The following TAFA2 variants were observed in gnomAD, a reference collection of about 807,000 sequenced individuals.
TAFA2 encodes the protein chemokine-like protein TAFA-2.
TAFA2 carries 7 observed loss-of-function variants against 18.8 expected under a neutral mutation model. The ratio of observed to expected loss-of-function variants is 0.37; its 90% confidence interval spans 0.21 to 0.70. The LOEUF is 0.70. Ranked by LOEUF, TAFA2 falls within the 30% of genes least tolerant of loss-of-function variation. The pLI, the probability that TAFA2 is intolerant of heterozygous loss-of-function variation, is 0.53. For missense variants in TAFA2, 122 were observed against 158.1 expected (o/e 0.77, Z 1.23); for synonymous variants, 60 against 54.2 (o/e 1.11, Z -0.47).
At chr12:62,198,308 T>G (rs1361423506) in intron 1 of TAFA2, 1 of 152,286 alleles carries the variant, frequency 6.6e-6, no homozygotes, top group East Asian at 1.9e-4. Flanking sequence ...TTCTTGTTTT[T>G]GTTTTCCCAG....
intron 2 of TAFA2, among the ~76,000 whole-genome samples, chr12:61,843,624 T>C (rs1873281863): frequency 6.6e-6 from 1 of 152,128 alleles, no homozygotes; most frequent in Non-Finnish European, 1.5e-5. Flanking sequence ...AAATGTCCAT[T>C]ACATAGAAGA....
At chr12:61,808,459 G>A (rs1871719634) in intron 2 of TAFA2, among the ~76,000 whole-genome samples, 1 of 151,430 alleles carries the variant, frequency 6.6e-6, no homozygotes, top group African/African-American at 2.5e-5. Flanking sequence ...GTACATGTGT[G>A]TATGTGGTAC....
chr12:62,147,388 A>G (rs755996043), intron 1 of TAFA2, among the ~76,000 whole-genome samples: 1 of 143,294 alleles, frequency 7.0e-6, no homozygotes, highest in African/African-American at 2.6e-5. Context: ...CAACAAAAAC[A>G]AAAATTGACA....
At position 62,078,416 on chromosome 12, in the gene TAFA2, G is replaced by GAAAA. The variant is rs71450573; in HGVS notation, c.-2+112839_-2+112842dup. Among the ~76,000 whole-genome samples, 627 of 143,452 alleles carry GAAAA rather than the reference G, an allele frequency of 4.4e-3. 3 individuals are homozygous for GAAAA. Among genetic ancestry groups the GAAAA allele is most frequent in the African/African-American group, 0.011 (428 of 38,642 alleles). 94.1% of individuals were successfully genotyped at this position (143,452 alleles called of 152,430 possible). A position where few individuals can be genotyped will look rare whatever the true frequency, so the allele number is the denominator to read the frequency against. On this transcript the variant is annotated intron_variant, in intron 1 of 4. Coordinates refer to ENST00000416284, the MANE Select transcript of TAFA2 (RefSeq NM_178539.5). Reference sequence around the variant, plus strand: ...TACCCTAAAACTTAAAGTATAATTGGAAAAAAAAAAAAAAGAACTGGATCA... The same window carrying GAAAA: ...TACCCTAAAACTTAAAGTATAATTGGAAAAAAAAAAAAAAAAAAGAACTGGATCA...
chr12:62,179,459 A>AT (rs1351312272), intron 1 of TAFA2, among the ~76,000 whole-genome samples: 2 of 152,274 alleles, frequency 1.3e-5, no homozygotes, highest in East Asian at 3.9e-4. Context: ...ATGATCAGTA[A>AT]TTTTTTTCCA....
At chr12:61,775,168 G>C (rs145568687) in intron 2 of TAFA2, among the ~76,000 whole-genome samples, 19 of 151,918 alleles carry the variant, frequency 1.3e-4, no homozygotes, top group African/African-American at 4.6e-4. Flanking sequence ...ATTCTGGCAA[G>C]GATGTGGAGC....
At chr12:62,176,461 AG>A (rs1196217678) in intron 1 of TAFA2, among the ~76,000 whole-genome samples, 1 of 93,690 alleles carries the variant, frequency 1.1e-5, no homozygotes, top group African/African-American at 4.1e-5. Context: ...AGAGGTTTTC[AG>A]AAGGTAAATG....
chr12:61,988,503 C>G (rs1879890977), intron 1 of TAFA2, among the ~76,000 whole-genome samples: 1 of 152,090 alleles, frequency 6.6e-6, no homozygotes, highest in South Asian at 2.1e-4. Flanking sequence ...AATGATACTT[C>G]CTTTGGAAGA....
At chr12:62,076,363 A>T (rs990048338) in intron 1 of TAFA2, among the ~76,000 whole-genome samples, 11 of 152,254 alleles carry the variant, frequency 7.2e-5, no homozygotes, top group Admixed American at 7.2e-4. Context: ...CATTAGAAAC[A>T]GAAGTTAATT....
intron 1 of TAFA2, among the ~76,000 whole-genome samples, chr12:61,924,884 T>C (rs893571730): frequency 1.3e-5 from 2 of 152,084 alleles, no homozygotes; most frequent in African/African-American, 4.8e-5. Context: ...AATAATGGGA[T>C]GGAGGAGTAT....
intron 1 of TAFA2, among the ~76,000 whole-genome samples, chr12:62,085,398 A>G (rs138685755): frequency 1.3e-5 from 2 of 152,280 alleles, no homozygotes; most frequent in African/African-American, 4.8e-5. Flanking sequence ...TAACTTGTAG[A>G]CCACGTGTTT....
intron 1 of TAFA2, among the ~76,000 whole-genome samples, chr12:62,012,923 G>A (rs970879017): frequency 6.6e-6 from 1 of 152,130 alleles, no homozygotes; most frequent in African/African-American, 2.4e-5. Context: ...AAATTGCCCT[G>A]AAATTTGCCC....
chr12:62,243,341 G>C (rs2062871295), intron 1 of TAFA2, among the ~76,000 whole-genome samples: 1 of 152,148 alleles, frequency 6.6e-6, no homozygotes, highest in Admixed American at 6.5e-5. Context: ...TTTAAGAACT[G>C]CCTAATTACA....
At chr12:62,122,396 T>G (rs930489564) in intron 1 of TAFA2, among the ~76,000 whole-genome samples, 1 of 152,178 alleles carries the variant, frequency 6.6e-6, no homozygotes, top group Non-Finnish European at 1.5e-5. Context: ...AAGTAGGATA[T>G]TTCCTTCTGT....
At chr12:61,963,673 G>A (rs772352001) in intron 1 of TAFA2, among the ~76,000 whole-genome samples, 25 of 151,516 alleles carry the variant, frequency 1.6e-4, no homozygotes, top group Admixed American at 5.3e-4. Flanking sequence ...TTATAGATTC[G>A]ATGCTATCCC....
rs561981941 is a variant in TAFA2, at chr12:62,088,938, G to A, written c.-2+102321C>T. Among the ~76,000 whole-genome samples the A allele has an allele frequency of 5.9e-5, 9 of 151,800 alleles. No individual in the cohort carries two copies. The East Asian group carries it at 7.8e-4, about 13-fold the overall frequency. On this transcript the variant is annotated intron_variant, in intron 1 of 4. Coordinates refer to ENST00000416284, the MANE Select transcript of TAFA2 (RefSeq NM_178539.5). Reference sequence around the variant, plus strand: ...TGTGTGTGTGTGTGTGCACGCGCGCGCACGCATCTGTCTCACATACACACA... The same window carrying A: ...TGTGTGTGTGTGTGTGCACGCGCGCACACGCATCTGTCTCACATACACACA...
intron 2 of TAFA2, among the ~76,000 whole-genome samples, chr12:61,797,861 C>T (rs1213317215): frequency 6.6e-6 from 1 of 152,182 alleles, no homozygotes. Flanking sequence ...CTATATTAGA[C>T]TTTCTCCTGT....
At chr12:62,147,361 T>C (rs2062292373) in intron 1 of TAFA2, among the ~76,000 whole-genome samples, 1 of 111,194 alleles carries the variant, frequency 9.0e-6, no homozygotes, top group African/African-American at 3.3e-5. Context: ...TATATATATA[T>C]ATATATATAG....
At chr12:62,181,993 C>CCCG (rs1555196470) in intron 1 of TAFA2, among the ~76,000 whole-genome samples, 9 of 148,518 alleles carry the variant, frequency 6.1e-5, no homozygotes, top group African/African-American at 2.0e-4. Context: ...AAGTCCATCC[C>CCCG]CCCCCCGCTA....
Sources: allele counts gnomAD v4.1 joint callset (sites outside exome capture counted in the v4.1 genomes callset), GRCh38; gene constraint gnomAD v4.1.1; transcripts MANE v1.5; gene names NCBI Gene and HGNC (gene_info 2026-07-23, HGNC 2026-07-21).